Variants in SNX13 observed in about 807,000 individuals in gnomAD.
The protein encoded by SNX13 is sorting nexin 13, also known as sorting nexin-13.
SNX13 carries 45 observed loss-of-function variants against 133.6 expected under a neutral mutation model. The observed-to-expected ratio is 0.34, with a 90% CI of 0.27 to 0.43. SNX13 has a LOEUF of 0.43. Among genes scored for constraint, SNX13 ranks in the 20% least tolerant of loss-of-function variants. SNX13 has a pLI of 1.00. For missense variants in SNX13, 1,032 were observed against 1,145.1 expected (o/e 0.90, Z 1.43); for synonymous variants, 414 against 373.9 (o/e 1.11, Z -1.24).
At chr7:17,868,625 A>T (rs1793688911) in intron 8 of SNX13, 135 bp from the exon 9 acceptor site, 2 of 626,226 alleles carry the variant, frequency 3.2e-6, no homozygotes, top group Admixed American at 6.5e-5. Context: ...TAAGCAACAC[A>T]GTCTTATAAA....
intron 1 of SNX13, chr7:17,898,732 G>A (rs1342275643): frequency 1.3e-5 from 2 of 152,128 alleles, no homozygotes; most frequent in South Asian, 2.1e-4. Context: ...ATGATTAGAT[G>A]ACAAATAAAC....
intron 5 of SNX13, among the ~76,000 whole-genome samples, chr7:17,876,666 CT>C (rs942124202): frequency 3.3e-5 from 5 of 151,350 alleles, no homozygotes; most frequent in African/African-American, 1.2e-4. Context: ...ATATAAAAGC[CT>C]TTAGAATACT....
In SNX13 at chr7:17,839,956, T is replaced by A; in HGVS notation, c.1210A>T (p.Met404Leu). 6.2e-7 allele frequency: 1 copy of A among 1,611,622 alleles called. No homozygotes were observed. Among genetic ancestry groups the A allele is most frequent in the Non-Finnish European group, 8.5e-7 (1 of 1,178,454 alleles). Residue 404 changes from methionine to leucine, a missense_variant, in exon 13 of 26, where the codon ATG becomes TTG. Physicochemically the swap from Met to Leu is conservative, Grantham distance 15 (BLOSUM62 2). Transcript: ENST00000428135. Reference protein sequence around the residue: ...TGGQAHLFFWMTVEGYRVTAQ... With the variant: ...TGGQAHLFFWLTVEGYRVTAQ... The stretch of plus-strand genomic sequence containing the variant: ...GTAACCCGGTATCCTTCCACTGTCA[T>A]CCAAAAGAATAGATGTGCTTGACCT...
Position 17,921,530 on chromosome 7 carries a change from C to T in SNX13, c.12+18754G>A, listed in dbSNP as rs1800130319. On this transcript the variant is annotated intron_variant, in intron 1 of 25. Transcript: ENST00000428135. The stretch of plus-strand genomic sequence containing the variant: ...CTGCAGCTCTCTCAAACAAAGGCTG[C>T]TTATTCTTTCATTAATCATGTACCC... Among the ~76,000 whole-genome samples, 3 of 152,158 alleles carry T rather than the reference C, an allele frequency of 2.0e-5. No homozygotes were observed. In the South Asian group the frequency reaches 6.2e-4, roughly 32 times the overall value.
chr7:17,931,938 C>A (rs1011566189), intron 1 of SNX13, among the ~76,000 whole-genome samples: 1 of 152,136 alleles, frequency 6.6e-6, no homozygotes, highest in Non-Finnish European at 1.5e-5. Flanking sequence ...TGAACAGAGA[C>A]GCATTTTAGT....
chr7:17,878,890 C>T (rs1795027316), intron 5 of SNX13, among the ~76,000 whole-genome samples: 1 of 152,132 alleles, frequency 6.6e-6, no homozygotes, highest in African/African-American at 2.4e-5. Flanking sequence ...TCTGGACAGA[C>T]TATTCCCTCT....
intron 2 of SNX13, among the ~76,000 whole-genome samples, chr7:17,895,368 G>A (rs1169696358): frequency 2.0e-5 from 3 of 151,994 alleles, no homozygotes; most frequent in East Asian, 1.9e-4. Flanking sequence ...CAACAAAAAC[G>A]AAAAATCCCC....
chr7:17,868,418 C>A lies in SNX13; in HGVS notation c.826G>T (p.Val276Phe), dbSNP rs756909134. ...LSDPDYINQY[V>F]IWMIRDSNCN... is the part of the protein sequence containing the mutation. ...TAAAAGGCACCTACCATCCATATGA[C>A]ATACTGATTAATATAATCAGGATCA... Residue 276 changes from valine to phenylalanine, a missense_variant, in exon 9 of 26, where the codon GTC becomes TTC. Physicochemically the swap from Val to Phe is conservative, Grantham distance 50. Transcript: ENST00000428135. 6.2e-7 allele frequency: 1 copy of A among 1,603,482 alleles called. No individual in the cohort carries two copies. The highest frequency in any genetic ancestry group is 1.7e-4 in the Middle Eastern group (1 of 6,040).
chr7:17,834,887 A>G, intron 13 of SNX13, 22 bp from the exon 14 acceptor site: 1 of 1,366,682 alleles, frequency 7.3e-7, no homozygotes, highest in Non-Finnish European at 1.0e-6. Flanking sequence ...AAATAATAGT[A>G]ATGATCTCTG....
At chr7:17,841,584 G>A (rs62446883) in intron 12 of SNX13, among the ~76,000 whole-genome samples, 1,047 of 45,976 alleles carry the variant, frequency 0.023, 8 homozygotes, top group African/African-American at 0.071. Context: ...ACACACACAC[G>A]CACACACACC....
intron 15 of SNX13, chr7:17,830,365 A>G (rs1046255536): frequency 2.0e-6 from 2 of 984,274 alleles, no homozygotes; most frequent in African/African-American, 3.5e-5. Flanking sequence ...CTAATACAAT[A>G]TAAGCATGAG....
chr7:17,893,835 G>A (rs1157372504), intron 2 of SNX13, among the ~76,000 whole-genome samples: 1 of 150,360 alleles, frequency 6.7e-6, no homozygotes, highest in Non-Finnish European at 1.5e-5. Flanking sequence ...TAGCCAGGGT[G>A]GTGGCTTGCA....
intron 1 of SNX13, among the ~76,000 whole-genome samples, chr7:17,929,623 C>T (rs1055559113): frequency 2.0e-5 from 3 of 152,140 alleles, no homozygotes; most frequent in African/African-American, 7.2e-5. Flanking sequence ...AAAACTTTAT[C>T]AAACTGACAA....
intron 1 of SNX13, among the ~76,000 whole-genome samples, chr7:17,933,820 G>A (rs1398293370): frequency 6.8e-6 from 1 of 148,094 alleles, no homozygotes. Context: ...AAAACCCGAT[G>A]TACTACCACT....
chr7:17,815,506 G>A (rs1018680918), intron 19 of SNX13, among the ~76,000 whole-genome samples: 47 of 152,234 alleles, frequency 3.1e-4, no homozygotes, highest in Middle Eastern at 6.8e-3. Flanking sequence ...GATCCCTCGA[G>A]CCCAGGAGTT....
chr7:17,827,273 C>T (rs75116326), intron 16 of SNX13, among the ~76,000 whole-genome samples: 277 of 151,886 alleles, frequency 1.8e-3, no homozygotes, highest in African/African-American at 6.3e-3. Context: ...TTGGGGACAC[C>T]GAACATATAT....
At chr7:17,917,367 A>G (rs941646145) in intron 1 of SNX13, among the ~76,000 whole-genome samples, 1 of 152,206 alleles carries the variant, frequency 6.6e-6, no homozygotes, top group African/African-American at 2.4e-5. Context: ...AAGAAGTCAA[A>G]TAATTTCCCT....
chr7:17,889,421 C>G (rs1056667191), intron 5 of SNX13: 4 of 151,990 alleles, frequency 2.6e-5, no homozygotes, highest in African/African-American at 9.7e-5. Flanking sequence ...GAGGAAAGGG[C>G]CTGAGAGGGC....
At chr7:17,834,459 T>C (rs553996751) in intron 14 of SNX13, among the ~76,000 whole-genome samples, 5 of 152,020 alleles carry the variant, frequency 3.3e-5, no homozygotes, top group Non-Finnish European at 7.4e-5. Context: ...TCAAGGCTCA[T>C]GTTAAAATGA....
Sources: gnomAD v4.1 joint callset for allele counts (sites outside exome capture counted in the v4.1 genomes callset) on GRCh38, gnomAD v4.1.1 for gene constraint, MANE v1.5 for transcripts, NCBI Gene and HGNC (gene_info 2026-07-23, HGNC 2026-07-21) for gene names.